Variants in SNTG2 observed in about 807,000 individuals in gnomAD.
The protein encoded by SNTG2 is gamma-2-syntrophin.
In SNTG2, 74 loss-of-function variants were observed where a neutral mutation model predicts 70.9. The ratio of observed to expected loss-of-function variants is 1.04; its 90% CI spans 0.86 to 1.27. SNTG2 has a LOEUF of 1.27. Ranked by LOEUF, SNTG2 falls within the 50% of genes most tolerant of loss-of-function variation. The pLI is 0.00. For missense variants in SNTG2, 717 were observed against 690.7 expected (o/e 1.04, Z -0.43); for synonymous variants, 278 against 273.8 (o/e 1.02, Z -0.15).
chr2:1,225,781 C>T (rs989341080), intron 9 of SNTG2, among the ~76,000 whole-genome samples: 1 of 152,170 alleles, frequency 6.6e-6, no homozygotes, highest in African/African-American at 2.4e-5. Context: ...TAGAAAAGTG[C>T]AGATGCTCAG....
At chr2:1,252,515 A>AAATGC (rs1391754699) in intron 12 of SNTG2, among the ~76,000 whole-genome samples, 7 of 152,224 alleles carry the variant, frequency 4.6e-5, no homozygotes, top group Admixed American at 4.6e-4. Flanking sequence ...AAAACACTGG[A>AAATGC]AATGCAATTT....
Position 1,009,414 on chromosome 2 carries a change from A to G in SNTG2, c.72+58346A>G, listed in dbSNP as rs113500540. 6.7e-4 allele frequency among the ~76,000 whole-genome samples: 11 copies of G among 16,368 alleles called. 1 individual carries two copies. Among genetic ancestry groups the G allele is most frequent in the Admixed American group, 1.6e-3 (2 of 1,280 alleles). The allele number at this position is 16,368 out of a possible 152,430, so 10.7% of individuals were successfully genotyped here. ...GTATGGCAGCCACACCTGTGTCCCCAGGAAGACATGCTGGTTCTGATACTG... is the reference window on the plus strand; with the variant it reads ...GTATGGCAGCCACACCTGTGTCCCCGGGAAGACATGCTGGTTCTGATACTG... On this transcript the variant is annotated intron_variant, in intron 1 of 16. Coordinates refer to ENST00000308624, the MANE Select transcript of SNTG2 (RefSeq NM_018968.4).
At chr2:1,162,309 C>T (rs984432573) in intron 6 of SNTG2, among the ~76,000 whole-genome samples, 1 of 152,040 alleles carries the variant, frequency 6.6e-6, no homozygotes, top group Non-Finnish European at 1.5e-5. Flanking sequence ...CCACACACAC[C>T]TCAATGATTT....
chr2:1,267,998 C>T (rs1678838965), intron 14 of SNTG2, among the ~76,000 whole-genome samples: 1 of 152,208 alleles, frequency 6.6e-6, no homozygotes, highest in Admixed American at 6.5e-5. Context: ...GGTTCTTCCT[C>T]TCAAACTTGA....
intron 9 of SNTG2, among the ~76,000 whole-genome samples, chr2:1,212,802 C>A (rs1674132512): frequency 6.6e-6 from 1 of 152,126 alleles, no homozygotes; most frequent in Non-Finnish European, 1.5e-5. Context: ...GTGTGTTGAT[C>A]CCAGTGGATG....
At chr2:1,267,898 T>C (rs1678833713) in intron 14 of SNTG2, among the ~76,000 whole-genome samples, 1 of 152,224 alleles carries the variant, frequency 6.6e-6, no homozygotes, top group Admixed American at 6.5e-5. Flanking sequence ...TTCTAGCCTG[T>C]GCTCCGGGAG....
chr2:1,269,496 G>A (rs1678910238), intron 14 of SNTG2, among the ~76,000 whole-genome samples: 1 of 152,098 alleles, frequency 6.6e-6, no homozygotes, highest in African/African-American at 2.4e-5. Context: ...ACTCCAGCCT[G>A]GGCCACAGAG....
intron 6 of SNTG2, chr2:1,158,598 A>T (rs1670058365): frequency 6.6e-6 from 1 of 152,242 alleles, no homozygotes; most frequent in South Asian, 2.1e-4. Context: ...AGCACGCCAA[A>T]GTGTATCTTC....
At chr2:1,313,876 A>G (rs188888425) in intron 15 of SNTG2, among the ~76,000 whole-genome samples, 15 of 152,328 alleles carry the variant, frequency 9.8e-5, no homozygotes, top group Non-Finnish European at 1.9e-4. Flanking sequence ...AATTTTAAGC[A>G]TATATACTGG....
chr2:1,190,894 T>C (rs1413209900), intron 8 of SNTG2, among the ~76,000 whole-genome samples: 1 of 152,124 alleles, frequency 6.6e-6, no homozygotes, highest in Non-Finnish European at 1.5e-5. Flanking sequence ...TGCAACCACT[T>C]TGAAAAACAA....
At chr2:1,008,997 A>T (rs1659647380) in intron 1 of SNTG2, among the ~76,000 whole-genome samples, 1 of 152,190 alleles carries the variant, frequency 6.6e-6, no homozygotes, top group Admixed American at 6.5e-5. Context: ...TGCCTTTCAA[A>T]TTATAGCCCA....
At chr2:1,181,620 C>G (rs1671905191) in intron 8 of SNTG2, among the ~76,000 whole-genome samples, 1 of 152,186 alleles carries the variant, frequency 6.6e-6, no homozygotes, top group African/African-American at 2.4e-5. Flanking sequence ...AATGTTTTCT[C>G]TCTGTCCTGA....
At chr2:1,195,701 T>C (rs759605526) in intron 8 of SNTG2, among the ~76,000 whole-genome samples, 2 of 152,268 alleles carry the variant, frequency 1.3e-5, no homozygotes, top group Non-Finnish European at 2.9e-5. Flanking sequence ...TGGTTTCTTT[T>C]GCTGTGCAGA....
At chr2:961,465 G>A (rs1251503232) in intron 1 of SNTG2, among the ~76,000 whole-genome samples, 1 of 152,192 alleles carries the variant, frequency 6.6e-6, no homozygotes, top group Non-Finnish European at 1.5e-5. Flanking sequence ...CATTAGTACA[G>A]CTGCTGGGAG....
intron 14 of SNTG2, among the ~76,000 whole-genome samples, chr2:1,307,824 G>T (rs939095390): frequency 6.6e-6 from 1 of 152,206 alleles, no homozygotes; most frequent in Non-Finnish European, 1.5e-5. Flanking sequence ...GAGACCTTCC[G>T]GGCAGAGCCC....
At chr2:1,249,017 A>G (rs962753738) in intron 12 of SNTG2, among the ~76,000 whole-genome samples, 1 of 152,144 alleles carries the variant, frequency 6.6e-6, no homozygotes, top group African/African-American at 2.4e-5. Flanking sequence ...GTAGCATCCA[A>G]CTCATCTCAG....
intron 4 of SNTG2, among the ~76,000 whole-genome samples, chr2:1,128,355 A>G (rs1667827353): frequency 6.6e-6 from 1 of 152,182 alleles, no homozygotes; most frequent in African/African-American, 2.4e-5. Context: ...CAAAATAATT[A>G]TATACATTTT....
At chr2:1,305,634 CAG>C (rs1680638120) in intron 14 of SNTG2, among the ~76,000 whole-genome samples, 1 of 152,198 alleles carries the variant, frequency 6.6e-6, no homozygotes, top group South Asian at 2.1e-4. Context: ...AATGAGGAAA[CAG>C]ATTTTTTTAA....
chr2:1,336,878 G>T (rs1048978203), intron 16 of SNTG2, among the ~76,000 whole-genome samples: 1 of 152,046 alleles, frequency 6.6e-6, no homozygotes, highest in Middle Eastern at 3.2e-3. Context: ...ATATTTTGAA[G>T]TTGGGTAGTG....
Sources: gnomAD v4.1 joint callset for allele counts (sites outside exome capture counted in the v4.1 genomes callset) on GRCh38, gnomAD v4.1.1 for gene constraint, MANE v1.5 for transcripts, NCBI Gene and HGNC (gene_info 2026-07-23, HGNC 2026-07-21) for gene names.